EZH2: variants seen among roughly 807,000 people sequenced by gnomAD.
EZH2 encodes histone-lysine N-methyltransferase EZH2.
Under a neutral mutation model 98.4 loss-of-function variants are expected in EZH2, and 18 were observed. The ratio of observed to expected loss-of-function variants is 0.18; its 90% CI spans 0.13 to 0.27. The LOEUF is 0.27. Ranked by LOEUF, EZH2 falls within the 10% of genes least tolerant of loss-of-function variation. The probability of loss-of-function intolerance (pLI) is 1.00; values close to 1 mark genes in which losing one functional copy is unlikely to be tolerated. For missense variants in EZH2, 470 were observed against 935.1 expected, an observed-to-expected ratio of 0.50 and a Z score of 6.49; for synonymous variants, 338 against 312.3, an observed-to-expected ratio of 1.08 and a Z score of -0.87.
rs1809713751 is a variant in EZH2, at chr7:148,832,623, T to C, written c.363+11A>G. ...ATTATCAAATAAGCAGAAGATATCT[T>C]ATTTACATACCATAAAATTCTGCTG... On this transcript the variant is annotated intron_variant, in intron 4 of 19. Coordinates refer to ENST00000320356, the MANE Select transcript of EZH2 (RefSeq NM_004456.5). The C allele has an allele frequency of 2.2e-6, 3 of 1,372,692 alleles. No homozygotes were observed. Among genetic ancestry groups the C allele is most frequent in the African/African-American group, 1.4e-5 (1 of 69,572 alleles). The allele number at this position is 1,372,692 out of a possible 1,614,324, so 85.0% of individuals were successfully genotyped here.
rs1380936389 is a variant in EZH2 at position 148,884,151 on chromosome 7, AGC to A, written c.-8+11_-8+12del. ...GAGCCCCGCCGGCCGGGCCGCCCGC[AGC>A]GGCGCGTTACCTTCGTCCCGCGCGC... On this transcript the variant is annotated intron_variant, in intron 1 of 19. Coordinates refer to ENST00000320356, the MANE Select transcript of EZH2 (RefSeq NM_004456.5). 11 of 152,244 alleles carry A rather than the reference AGC, an allele frequency of 7.2e-5. No homozygotes were observed. The highest frequency in any genetic ancestry group is 1.6e-4 in the Non-Finnish European group (11 of 68,650). 9.4% of individuals were successfully genotyped at this position (152,244 alleles called of 1,614,324 possible).
At chr7:148,811,342 G>A (rs1803030686) in intron 16 of EZH2, among the ~76,000 whole-genome samples, 1 of 152,006 alleles carries the variant, frequency 6.6e-6, no homozygotes, top group Non-Finnish European at 1.5e-5. Context: ...GTAGCAATGG[G>A]GTCTTGCCAT....
intron 1 of EZH2, among the ~76,000 whole-genome samples, chr7:148,851,947 G>A (rs1057382481): frequency 4.6e-5 from 7 of 152,222 alleles, no homozygotes. Context: ...GACTTCTACT[G>A]AATGGACACT....
Position 148,884,229 on chromosome 7 carries a change from CCGG to C in EZH2, c.-76_-74del, listed in dbSNP as rs1476100286. 5.7e-6 allele frequency: 1 copy of C among 174,872 alleles called. No individual in the cohort carries two copies. The highest frequency in any genetic ancestry group is 6.4e-5 in the Admixed American group (1 of 15,670). 10.8% of individuals were successfully genotyped at this position (174,872 alleles called of 1,614,324 possible). On this transcript the variant is annotated 5_prime_UTR_variant, in exon 1 of 20. Transcript: ENST00000320356. Reference sequence around the variant, plus strand: ...CCCCCGCGCGCCGCCGCCGCCGCCGCCGGGGCTCCACTGCCTTCTGAGTCCCAC... The same window carrying C: ...CCCCCGCGCGCCGCCGCCGCCGCCGCGGCTCCACTGCCTTCTGAGTCCCAC...
rs1314987767 is a variant in EZH2, at chr7:148,807,716, C to G, written c.2196-10G>C. ...ATCAGCCTGGCTGTATCTGAAACAACAGGAAGGAGATGTCCGCTGGATGGC... is the reference window on the plus strand; with the variant it reads ...ATCAGCCTGGCTGTATCTGAAACAAGAGGAAGGAGATGTCCGCTGGATGGC... On this transcript the variant is annotated splice_polypyrimidine_tract_variant and intron_variant, in intron 19 of 19. Coordinates refer to ENST00000320356, the MANE Select transcript of EZH2 (RefSeq NM_004456.5). 6.3e-7 allele frequency: 1 copy of G among 1,579,726 alleles called. No individual in the cohort carries two copies. Among genetic ancestry groups the G allele is most frequent in the Non-Finnish European group, 8.6e-7 (1 of 1,162,940 alleles).
intron 7 of EZH2, 43 bp downstream of exon 7, chr7:148,827,121 A>G (rs979170946): frequency 6.8e-7 from 1 of 1,479,040 alleles, no homozygotes; most frequent in Non-Finnish European, 9.4e-7. Flanking sequence ...GGTGAGTTAC[A>G]TACCATACAG....
intron 1 of EZH2, among the ~76,000 whole-genome samples, chr7:148,855,457 A>G (rs1250046963): frequency 6.6e-6 from 1 of 152,218 alleles, no homozygotes; most frequent in Non-Finnish European, 1.5e-5. Flanking sequence ...GAAGTTGGCC[A>G]AGTTACTGCA....
intron 1 of EZH2, among the ~76,000 whole-genome samples, chr7:148,862,007 TGA>T (rs1051271642): frequency 6.6e-6 from 1 of 152,184 alleles, no homozygotes; most frequent in African/African-American, 2.4e-5. Flanking sequence ...AATAGCCTTC[TGA>T]GGTCATTGTG....
rs532031013 is a variant in EZH2, at chr7:148,810,430, C to T, written c.1948-16G>A. 6.3e-7 allele frequency: 1 copy of T among 1,583,622 alleles called. No homozygotes were observed. Among genetic ancestry groups the T allele is most frequent in the Non-Finnish European group, 8.7e-7 (1 of 1,153,122 alleles). On this transcript the variant is annotated splice_polypyrimidine_tract_variant and intron_variant, in intron 16 of 19. Coordinates refer to ENST00000320356, the MANE Select transcript of EZH2 (RefSeq NM_004456.5). ...GAGAAATAATCTAAAAAGAAAGACA[C>T]AGGAGAAAATTCTTTTGGATAAAGG...
chr7:148,837,639 A>G (rs1244305726), intron 3 of EZH2, among the ~76,000 whole-genome samples: 1 of 152,228 alleles, frequency 6.6e-6, no homozygotes. Flanking sequence ...GAAGCTCAAT[A>G]ATGGAAGTGA....
chr7:148,840,233 A>G (rs948127604), intron 3 of EZH2, among the ~76,000 whole-genome samples: 1 of 152,226 alleles, frequency 6.6e-6, no homozygotes, highest in Non-Finnish European at 1.5e-5. Context: ...GGATGTATAT[A>G]AAGTTCAGTA....
chr7:148,816,875 T>C (rs1804703737), intron 11 of EZH2, 97 bp from the exon 12 acceptor site: 1 of 844,818 alleles, frequency 1.2e-6, no homozygotes, highest in African/African-American at 1.7e-5. Flanking sequence ...TTGTCTCTTC[T>C]GTGACACTGC....
Position 148,807,572 on chromosome 7 carries a change from A to G in EZH2, c.*74T>C, listed in dbSNP as rs144048372. The G allele has an allele frequency of 1.0e-5, 12 of 1,192,094 alleles. No individual in the cohort carries two copies. Among genetic ancestry groups the G allele is most frequent in the Admixed American group, 4.0e-5 (2 of 49,892 alleles). The allele number at this position is 1,192,094 out of a possible 1,614,324, so 73.8% of individuals were successfully genotyped here. On this transcript the variant is annotated 3_prime_UTR_variant, in exon 20 of 20. Coordinates refer to ENST00000320356, the MANE Select transcript of EZH2 (RefSeq NM_004456.5). ...ATTTCAAACTGCATGTTCTTTTTCT[A>G]AATTGCCCACAGTACTCGAGGTTCC...
In EZH2 at chr7:148,815,565, A is replaced by C. The variant is rs199970231; in HGVS notation, c.1506-19T>G. On this transcript the variant is annotated intron_variant, in intron 12 of 19. Transcript: ENST00000320356. ...CCACAACCTGCAAAAACACAAAGAA[A>C]ATTAAACCAAATTTCTGCGGGAAGC... 7.9e-4 allele frequency: 1,276 copies of C among 1,612,758 alleles called. No individual in the cohort carries two copies. The highest frequency in any genetic ancestry group is 8.7e-4 in the Non-Finnish European group (1,028 of 1,178,766).
intron 1 of EZH2, among the ~76,000 whole-genome samples, chr7:148,877,394 A>C (rs1373613519): frequency 6.6e-6 from 1 of 152,220 alleles, no homozygotes; most frequent in South Asian, 2.1e-4. Flanking sequence ...TAACTTGAGA[A>C]GTGTTTGGTT....
intron 8 of EZH2, among the ~76,000 whole-genome samples, chr7:148,823,311 A>G (rs753054737): frequency 1.3e-5 from 2 of 152,232 alleles, no homozygotes; most frequent in Admixed American, 6.5e-5. Flanking sequence ...TCGTTACAGC[A>G]TAAGGCTCAA....
chr7:148,867,831 C>T (rs1167524433), intron 1 of EZH2, among the ~76,000 whole-genome samples: 11 of 152,238 alleles, frequency 7.2e-5, no homozygotes, highest in Non-Finnish European at 1.5e-4. Context: ...TTCTTGAACA[C>T]GTTGCTGCTT....
intron 3 of EZH2, among the ~76,000 whole-genome samples, chr7:148,833,443 C>G (rs949584778): frequency 2.8e-5 from 4 of 143,924 alleles, no homozygotes; most frequent in Non-Finnish European, 3.0e-5. Context: ...GGCGACAGAG[C>G]GAAACTCCGT....
chr7:148,815,471 T>C (rs1374898469), intron 13 of EZH2, 35 bp downstream of exon 13: 1 of 1,595,154 alleles, frequency 6.3e-7, no homozygotes, highest in Non-Finnish European at 8.6e-7. Context: ...CAGATATTGT[T>C]AAGCTAATAA....
Sources: gnomAD v4.1 joint callset for allele counts (sites outside exome capture counted in the v4.1 genomes callset) on GRCh38, gnomAD v4.1.1 for gene constraint, MANE v1.5 for transcripts, NCBI Gene and HGNC (gene_info 2026-07-23, HGNC 2026-07-21) for gene names.